The following ZNF416 variants were observed in gnomAD, a reference collection of about 807,000 sequenced individuals.
ZNF416 encodes zinc finger protein 416.
ZNF416 carries 5 observed loss-of-function variants against 10.9 expected under a neutral mutation model. The observed-to-expected ratio is 0.46, with a 90% CI of 0.24 to 0.97. The LOEUF (loss-of-function observed/expected upper bound fraction) is 0.97, where lower values mean the gene tolerates loss of function less well. Among genes scored for constraint, ZNF416 ranks in the 50% least tolerant of loss-of-function variants. The pLI, the probability that ZNF416 is intolerant of heterozygous loss-of-function variation, is 0.19. For missense variants in ZNF416, 675 were observed against 715.0 expected (o/e 0.94, Z 0.64); for synonymous variants, 267 against 251.8 (o/e 1.06, Z -0.57).
In ZNF416 at chr19:57,572,356, G is replaced by T; in HGVS notation, c.1548C>A (p.His516Gln). The T allele has an allele frequency of 1.9e-6, 3 of 1,614,202 alleles. No individual in the cohort carries two copies. The highest frequency in any genetic ancestry group is 2.5e-6 in the Non-Finnish European group (3 of 1,180,038). ...CACAGTCGTAAGGCCTTAATCCAGT[G>T]TGAATTTTCTGGTGTTCAACGAGGG... ...SYTLVEHQKI[H>Q]TGLRPYDCGQ... is the part of the protein sequence containing the mutation. Residue 516 changes from histidine to glutamine, a missense_variant, in exon 4 of 4, where the codon CAC becomes CAA. By Grantham distance (24) the His-to-Gln change is conservative (BLOSUM62 0). Coordinates refer to ENST00000196489, the MANE Select transcript of ZNF416 (RefSeq NM_017879.3). The surrounding 1 kb of genome is among the most constrained non-coding windows in gnomAD (Gnocchi z 4.5).
rs1448740679 is a variant in ZNF416 at position 57,575,178 on chromosome 19, G to A, written c.202+626C>T. On this transcript the variant is annotated intron_variant, in intron 3 of 3. Transcript: ENST00000196489. This position sits in a 1 kb window ranked among gnomAD's most constrained non-coding sequence, Gnocchi z 4.4. The stretch of plus-strand genomic sequence containing the variant: ...AGGCTGGATGCCATGTCCTCACCCA[G>A]GTGCCACTGACTGAGGCCAGGCTTC... 1.3e-5 allele frequency among the ~76,000 whole-genome samples: 2 copies of A among 152,190 alleles called. No individual in the cohort carries two copies. The highest frequency in any genetic ancestry group is 4.8e-5 in the African/African-American group (2 of 41,452).
Position 57,572,780 on chromosome 19 carries a change from G to A in ZNF416, c.1124C>T (p.Thr375Ile). The change falls in exon 4 of 4, where the codon ACT (threonine) becomes ATT (isoleucine). Residue 375 changes from threonine to isoleucine, a missense_variant. Thr to Ile is a moderately conservative substitution (Grantham distance 89). Coordinates refer to ENST00000196489, the MANE Select transcript of ZNF416 (RefSeq NM_017879.3). This position sits in a 1 kb window ranked among gnomAD's most constrained non-coding sequence, Gnocchi z 4.5. ...SKSTLVRHQRTHTGEKPYECG... is the reference protein window; with the variant it reads ...SKSTLVRHQRIHTGEKPYECG... The stretch of plus-strand genomic sequence containing the variant: ...CTCATATGGCTTTTCTCCTGTGTGA[G>A]TTCTCTGGTGTCGAACAAGAGTGGA... 6.2e-7 allele frequency: 1 copy of A among 1,613,920 alleles called. No individual in the cohort carries two copies. Among genetic ancestry groups the A allele is most frequent in the Non-Finnish European group, 8.5e-7 (1 of 1,179,988 alleles).
At chr19:57,574,209 T>C (rs1978439850) in intron 3 of ZNF416, among the ~76,000 whole-genome samples, 1 of 152,208 alleles carries the variant, frequency 6.6e-6, no homozygotes, top group Admixed American at 6.5e-5. Context: ...CAGGAGCTAA[T>C]ATTCCTCTGC....
chr19:57,575,863 G>C lies in ZNF416; in HGVS notation c.143C>G (p.Ala48Gly). 6.2e-7 allele frequency: 1 copy of C among 1,614,118 alleles called. No homozygotes were observed. Among genetic ancestry groups the C allele is most frequent in the Non-Finnish European group, 8.5e-7 (1 of 1,180,016 alleles). Residue 48 changes from alanine (A) to glycine (G), a missense_variant, in exon 3 of 4, where the codon GCT becomes GGT. By Grantham distance (60) the Ala-to-Gly change is moderately conservative. Transcript: ENST00000196489. The surrounding 1 kb of genome is among the most constrained non-coding windows in gnomAD (Gnocchi z 4.4). ...CACATCGCGGTACAGGAGCCTCTGA[G>C]CCTCATCAAGGAGCCCCCATTCTTC... The part of the protein sequence containing the change: ...SQEEWGLLDE[A>G]QRLLYRDVML...
At chr19:57,574,162 T>A (rs1978438294) in intron 3 of ZNF416, among the ~76,000 whole-genome samples, 1 of 152,190 alleles carries the variant, frequency 6.6e-6, no homozygotes, top group South Asian at 2.1e-4. Context: ...CCAGAGCCCA[T>A]ACTCCCAATC....
chr19:57,577,564 C>A (rs1188415769), intron 2 of ZNF416, among the ~76,000 whole-genome samples: 4 of 152,166 alleles, frequency 2.6e-5, no homozygotes, highest in African/African-American at 7.2e-5. Context: ...CAGCCTTCTT[C>A]ACTATCTTCC....
intron 1 of ZNF416, 57 bp downstream of exon 1, chr19:57,578,615 A>G (rs1243983648): frequency 1.4e-6 from 2 of 1,481,464 alleles, no homozygotes; most frequent in East Asian, 2.6e-5. Flanking sequence ...CCCCTCATGC[A>G]GGGTGTTGGA....
chr19:57,572,942 G>T lies in ZNF416; in HGVS notation c.962C>A (p.Thr321Asn), dbSNP rs770137296. The change falls in exon 4 of 4, where the codon ACT (threonine) becomes AAT (asparagine). Residue 321 changes from threonine (T) to asparagine (N), a missense_variant. Physicochemically the swap from Thr to Asn is moderately conservative, Grantham distance 65. Transcript: ENST00000196489. The surrounding 1 kb of genome is among the most constrained non-coding windows in gnomAD (Gnocchi z 4.5). ...ACCACACTCGTAAGGCCTTTCTCCA[G>T]TGTGAACTCTGTGATGTTTAATGAG... ...ATLIKHHRVHTGERPYECGEC... is the reference protein window; with the variant it reads ...ATLIKHHRVHNGERPYECGEC... 1 of 1,613,974 alleles carries T rather than the reference G, an allele frequency of 6.2e-7. No homozygotes were observed. Among genetic ancestry groups the T allele is most frequent in the Non-Finnish European group, 8.5e-7 (1 of 1,179,980 alleles).
chr19:57,574,308 A>G (rs774074512), intron 3 of ZNF416, among the ~76,000 whole-genome samples: 11 of 151,930 alleles, frequency 7.2e-5, no homozygotes, highest in Non-Finnish European at 1.5e-4. Context: ...CCAATCCTAA[A>G]CTGTTTATTA....
chr19:57,578,310 C>A, intron 1 of ZNF416: 1 of 614,048 alleles, frequency 1.6e-6, no homozygotes. Flanking sequence ...CCCTTCCAGG[C>A]TGTTCCAACT....
rs141300681 is a variant in ZNF416 at position 57,574,992 on chromosome 19, G to A, written c.202+812C>T. ...CAGAGAAACTGGTGACACATGGAGG[G>A]CAGGAAGATGGGGGCAGCACGAGGC... On this transcript the variant is annotated intron_variant, in intron 3 of 3. Coordinates refer to ENST00000196489, the MANE Select transcript of ZNF416 (RefSeq NM_017879.3). Among the ~76,000 whole-genome samples, 166 of 152,288 alleles carry A rather than the reference G, an allele frequency of 1.1e-3. No individual in the cohort carries two copies. In the Middle Eastern group the frequency reaches 0.017, roughly 16 times the overall value.
In ZNF416 at chr19:57,573,814, T is replaced by C. The variant is rs74600491; in HGVS notation, c.203-113A>G. 18 of 1,373,076 alleles carry C rather than the reference T, an allele frequency of 1.3e-5. No individual in the cohort carries two copies. In the African/African-American group the frequency reaches 2.5e-4, roughly 19 times the overall value. The allele number at this position is 1,373,076 out of a possible 1,614,324, so 85.1% of individuals were successfully genotyped here. A position where few individuals can be genotyped will look rare whatever the true frequency, so the allele number is the denominator to read the frequency against. On this transcript the variant is annotated intron_variant, in intron 3 of 3. Coordinates refer to ENST00000196489, the MANE Select transcript of ZNF416 (RefSeq NM_017879.3). ...TGTTCTGACATCTTAAAAACTTTGCTGGCCTGAGCTCAGGAGTTTGAGACC... is the reference window on the plus strand; with the variant it reads ...TGTTCTGACATCTTAAAAACTTTGCCGGCCTGAGCTCAGGAGTTTGAGACC...
Position 57,578,724 on chromosome 19 carries a change from G to A in ZNF416, c.-20C>T, listed in dbSNP as rs1978647780. The A allele has an allele frequency of 2.0e-6, 3 of 1,478,870 alleles. No homozygotes were observed. Among genetic ancestry groups the A allele is most frequent in the South Asian group, 2.7e-5 (2 of 75,286 alleles). The allele number at this position is 1,478,870 out of a possible 1,614,324, so 91.6% of individuals were successfully genotyped here. On this transcript the variant is annotated 5_prime_UTR_variant, in exon 1 of 4. Transcript: ENST00000196489. Reference sequence around the variant, plus strand: ...CGCCATCGGATTGTGAGCGGAGCGGGGCCGGGAGCGGCGGGCGACCCGGGG... The same window carrying A: ...CGCCATCGGATTGTGAGCGGAGCGGAGCCGGGAGCGGCGGGCGACCCGGGG...
rs756473214 is a variant in ZNF416 at position 57,573,707 on chromosome 19, A to G, written c.203-6T>C. The stretch of plus-strand genomic sequence containing the variant: ...CTCCATCCCATGCCAACAAACTGAA[A>G]GCAGAGAAACACTGATGAAATGCAC... On this transcript the variant is annotated splice_region_variant and splice_polypyrimidine_tract_variant and intron_variant, in intron 3 of 3. Coordinates refer to ENST00000196489, the MANE Select transcript of ZNF416 (RefSeq NM_017879.3). 6.2e-7 allele frequency: 1 copy of G among 1,605,600 alleles called. No homozygotes were observed. The highest frequency in any genetic ancestry group is 1.1e-5 in the South Asian group (1 of 90,720).
Position 57,573,448 on chromosome 19 carries a change from G to C in ZNF416, c.456C>G (p.Asp152Glu), listed in dbSNP as rs762109617. 9 of 1,614,242 alleles carry C rather than the reference G, an allele frequency of 5.6e-6. No individual in the cohort carries two copies. In the South Asian group the frequency reaches 8.8e-5, roughly 16 times the overall value. The change falls in exon 4 of 4, where the codon GAC (aspartate) becomes GAG (glutamate). Residue 152 changes from aspartate to glutamate, a missense_variant. Coordinates refer to ENST00000196489, the MANE Select transcript of ZNF416 (RefSeq NM_017879.3). ...ACTGCACAAATGAGGCCTTGTCCAT[G>C]TCACTTTCCAAGGGTTTCTCTGCAC... ...HHSAEKPLES[D>E]MDKASFVQCC...
At chr19:57,577,860 T>TTA (rs1178576528) in intron 2 of ZNF416, among the ~76,000 whole-genome samples, 197 bp downstream of exon 2, 2 of 152,164 alleles carry the variant, frequency 1.3e-5, no homozygotes, top group African/African-American at 4.8e-5. Flanking sequence ...GTTCCACACC[T>TTA]TACTTTACTG....
rs1978361725 is a variant in ZNF416 at position 57,572,981 on chromosome 19, C to G, written c.923G>C (p.Ser308Thr). The G allele has an allele frequency of 6.2e-7, 1 of 1,614,014 alleles. No homozygotes were observed. The highest frequency in any genetic ancestry group is 1.3e-5 in the African/African-American group (1 of 74,922). ...ATGTTTAATGAGGGTGGCTCTTTGG[C>G]TAAATGATTTCCCACACTGACCACA... ...YVCGQCGKSF[S>T]QRATLIKHHR... Residue 308 changes from serine (S) to threonine (T), a missense_variant, in exon 4 of 4, where the codon AGC becomes ACC. Physicochemically the swap from Ser to Thr is moderately conservative, Grantham distance 58 (BLOSUM62 1). Transcript: ENST00000196489. The surrounding 1 kb of genome is among the most constrained non-coding windows in gnomAD (Gnocchi z 4.5).
Position 57,578,735 on chromosome 19 carries a change from G to A in ZNF416, c.-31C>T. 3.4e-6 allele frequency: 5 copies of A among 1,458,912 alleles called. No individual in the cohort carries two copies. The highest frequency in any genetic ancestry group is 4.5e-6 in the Non-Finnish European group (5 of 1,100,790). The allele number at this position is 1,458,912 out of a possible 1,614,324, so 90.4% of individuals were successfully genotyped here. A position where few individuals can be genotyped will look rare whatever the true frequency, so the allele number is the denominator to read the frequency against. On this transcript the variant is annotated 5_prime_UTR_variant, in exon 1 of 4. Coordinates refer to ENST00000196489, the MANE Select transcript of ZNF416 (RefSeq NM_017879.3). ...TGTGAGCGGAGCGGGGCCGGGAGCGGCGGGCGACCCGGGGCGGGAACCCAG... is the reference window on the plus strand; with the variant it reads ...TGTGAGCGGAGCGGGGCCGGGAGCGACGGGCGACCCGGGGCGGGAACCCAG...
chr19:57,578,474 C>T (rs1026457778), intron 1 of ZNF416, 198 bp downstream of exon 1: 28 of 568,726 alleles, frequency 4.9e-5, no homozygotes, highest in Middle Eastern at 4.6e-4. Flanking sequence ...CAGCAAGATT[C>T]ACAGAAACCG....
Sources: gnomAD v4.1 joint callset for allele counts (sites outside exome capture counted in the v4.1 genomes callset) on GRCh38, gnomAD v4.1.1 for gene constraint, Gnocchi (gnomAD v3.1) non-coding constraint, MANE v1.5 for transcripts, NCBI Gene and HGNC (gene_info 2026-07-23, HGNC 2026-07-21) for gene names.